ZNF16: variants seen among roughly 807,000 people sequenced by gnomAD.
The protein encoded by ZNF16 is zinc finger protein KOX9.
ZNF16 carries 7 observed loss-of-function variants against 9.0 expected under a neutral mutation model. The ratio of observed to expected loss-of-function variants is 0.78; its 90% CI spans 0.44 to 1.47. ZNF16 has a LOEUF of 1.47. Ranked by LOEUF, ZNF16 falls within the 40% of genes most tolerant of loss-of-function variation. The probability of loss-of-function intolerance (pLI) is 0.01; values close to 1 mark genes in which losing one functional copy is unlikely to be tolerated. For synonymous variants in ZNF16, 312 were observed against 301.5 expected (o/e 1.03, Z -0.36); for missense variants, 830 against 854.2 (o/e 0.97, Z 0.35).
At chr8:144,941,354 G>C (rs1345641759) in intron 2 of ZNF16, among the ~76,000 whole-genome samples, 1 of 151,882 alleles carries the variant, frequency 6.6e-6, no homozygotes, top group East Asian at 1.9e-4. Context: ...TATTGGTATA[G>C]TCACCCCAAC....
chr8:144,931,286 T>A lies in ZNF16; in HGVS notation c.1501A>T (p.Ser501Cys), dbSNP rs1451703881. The A allele has an allele frequency of 2.5e-6, 4 of 1,613,920 alleles. No homozygotes were observed. The African/African-American group carries it at 5.3e-5, about 22-fold the overall frequency. Residue 501 changes from serine (S) to cysteine (C), a missense_variant, in exon 3 of 3, where the codon AGC (serine) becomes TGC (cysteine). Physicochemically the swap from Ser to Cys is moderately radical, Grantham distance 112. Coordinates refer to ENST00000394909, the MANE Select transcript of ZNF16 (RefSeq NM_006958.3). ...CSVCGKAFSH[S>C]SALIQHQGVH... ...CCCTGGTGCTGAATGAGGGCTGAGC[T>A]GTGGCTGAAGGCCTTCCCACAGACA...
rs1833587409 is a variant in ZNF16 at position 144,932,679 on chromosome 8, G to A, written c.197-89C>T. The A allele has an allele frequency of 7.1e-7, 1 of 1,403,858 alleles. No individual in the cohort carries two copies. The highest frequency in any genetic ancestry group is 2.3e-5 in the East Asian group (1 of 43,566). 87.0% of individuals were successfully genotyped at this position (1,403,858 alleles called of 1,614,324 possible). A position where few individuals can be genotyped will look rare whatever the true frequency, so the allele number is the denominator to read the frequency against. On this transcript the variant is annotated intron_variant, in intron 2 of 2. Transcript: ENST00000394909. This position sits in a 1 kb window ranked among gnomAD's most constrained non-coding sequence, Gnocchi z 5.0. ...GTCACAGTTGCACCCACTAACTGTG[G>A]AGGAGGCAAGGGGAGCAGGGGATCC...
rs940328569 is a variant in ZNF16 at position 144,950,786 on chromosome 8, G to A, written c.-10+11C>T. Reference sequence around the variant, plus strand: ...CGCAGGGTCCCAGGCGTGGAGCTTCGCGGAACTAACCTCAACGGGTCGCGC... The same window carrying A: ...CGCAGGGTCCCAGGCGTGGAGCTTCACGGAACTAACCTCAACGGGTCGCGC... On this transcript the variant is annotated intron_variant, in intron 1 of 2. Coordinates refer to ENST00000394909, the MANE Select transcript of ZNF16 (RefSeq NM_006958.3). 1 of 152,234 alleles carries A rather than the reference G, an allele frequency of 6.6e-6. No homozygotes were observed. The highest frequency in any genetic ancestry group is 1.5e-5 in the Non-Finnish European group (1 of 68,082). The allele number at this position is 152,234 out of a possible 1,614,324, so 9.4% of individuals were successfully genotyped here. A position where few individuals can be genotyped will look rare whatever the true frequency, so the allele number is the denominator to read the frequency against.
At chr8:144,944,162 C>T (rs1237379021) in intron 2 of ZNF16, 1 of 151,934 alleles carries the variant, frequency 6.6e-6, no homozygotes, top group African/African-American at 2.4e-5. Flanking sequence ...GCTCCGCCTC[C>T]TGGGTTCATG....
intron 1 of ZNF16, among the ~76,000 whole-genome samples, chr8:144,950,124 C>T (rs4925850): frequency 0.53 from 79,750 of 151,794 alleles, 24,941 homozygotes; most frequent in East Asian, 0.73. Flanking sequence ...CAAATCTGGC[C>T]TACGTGCCCA....
At position 144,932,891 on chromosome 8, in the gene ZNF16, C is replaced by T. The variant is rs567920992; in HGVS notation, c.197-301G>A. Reference sequence around the variant, plus strand: ...TGGCTCAGGCCAAAATCCTGGCTGTCCCTTGACTCCCCTCTTCCTCGACAC... The same window carrying T: ...TGGCTCAGGCCAAAATCCTGGCTGTTCCTTGACTCCCCTCTTCCTCGACAC... On this transcript the variant is annotated intron_variant, in intron 2 of 2. Coordinates refer to ENST00000394909, the MANE Select transcript of ZNF16 (RefSeq NM_006958.3). This position sits in a 1 kb window ranked among gnomAD's most constrained non-coding sequence, Gnocchi z 5.0. 6.6e-6 allele frequency among the ~76,000 whole-genome samples: 1 copy of T among 152,280 alleles called. No homozygotes were observed. The highest frequency in any genetic ancestry group is 2.4e-5 in the African/African-American group (1 of 41,540).
intron 2 of ZNF16, among the ~76,000 whole-genome samples, chr8:144,936,265 C>A (rs911638890): frequency 6.6e-6 from 1 of 152,194 alleles, no homozygotes; most frequent in African/African-American, 2.4e-5. Context: ...CTTTTCATGG[C>A]TAAATTATAT....
intron 2 of ZNF16, among the ~76,000 whole-genome samples, chr8:144,941,679 T>C (rs545490041): frequency 6.6e-6 from 1 of 152,242 alleles, no homozygotes; most frequent in South Asian, 2.1e-4. Context: ...TTTTTTTTTT[T>C]TGAGACAGTC....
intron 1 of ZNF16, 174 bp downstream of exon 1, chr8:144,950,623 C>G (rs543591704): frequency 2.0e-5 from 3 of 149,324 alleles, no homozygotes; most frequent in Admixed American, 2.0e-4. Flanking sequence ...GAGCTGCCCC[C>G]GCCCCGCCCC....
chr8:144,932,471 G>T lies in ZNF16; in HGVS notation c.316C>A (p.Leu106Ile). The change falls in exon 3 of 3, where the codon CTT (leucine) becomes ATT (isoleucine). Residue 106 changes from leucine (L) to isoleucine (I), a missense_variant. By Grantham distance (5) the Leu-to-Ile change is conservative. Transcript: ENST00000394909. The surrounding 1 kb of genome is among the most constrained non-coding windows in gnomAD (Gnocchi z 5.0). ...YAGDVSQVPELGDLCDDVSER... is the reference protein window; with the variant it reads ...YAGDVSQVPEIGDLCDDVSER... ...GATACATCATCACACAGATCTCCAA[G>T]CTCGGGTACCTGGGAAACATCACCA... 6.2e-7 allele frequency: 1 copy of T among 1,614,184 alleles called. No homozygotes were observed. Among genetic ancestry groups the T allele is most frequent in the Non-Finnish European group, 8.5e-7 (1 of 1,180,040 alleles).
chr8:144,947,409 G>A (rs181903736), intron 1 of ZNF16, among the ~76,000 whole-genome samples: 2 of 152,004 alleles, frequency 1.3e-5, no homozygotes, highest in East Asian at 3.9e-4. Context: ...GTATCCTGCT[G>A]TGACCACTCT....
intron 2 of ZNF16, among the ~76,000 whole-genome samples, chr8:144,936,610 TTGATTTGCATTTCTCTAATGACTAA>T (rs1172000437): frequency 3.9e-5 from 6 of 152,242 alleles, no homozygotes; most frequent in African/African-American, 1.2e-4. Context: ...CATTATGGTT[TTGATTTGCATTTCTCTAATGACTAA>T]TGATGTTAAG....
rs543390467 is a variant in ZNF16 at position 144,933,313 on chromosome 8, T to C, written c.197-723A>G. Among the ~76,000 whole-genome samples the C allele has an allele frequency of 5.3e-5, 8 of 152,258 alleles. No individual in the cohort carries two copies. The South Asian group carries it at 1.5e-3, about 28-fold the overall frequency. On this transcript the variant is annotated intron_variant, in intron 2 of 2. Transcript: ENST00000394909. The surrounding 1 kb of genome is among the most constrained non-coding windows in gnomAD (Gnocchi z 5.6). ...ACAGAGGACCCTTTAGAGACTGCTG[T>C]GTCCTGTCAAAGCCACCTGTACCTC...
intron 2 of ZNF16, among the ~76,000 whole-genome samples, chr8:144,936,124 T>C (rs1475050236): frequency 2.6e-5 from 4 of 152,240 alleles, no homozygotes; most frequent in Non-Finnish European, 5.9e-5. Context: ...ATCTGTATTC[T>C]GTGTCTACGA....
At chr8:144,948,026 C>A in intron 1 of ZNF16, 1 of 152,746 alleles carries the variant, frequency 6.5e-6, no homozygotes. Context: ...TCAAGGGGAT[C>A]TGCAAAGGGG....
chr8:144,937,151 T>C (rs1033121908), intron 2 of ZNF16, among the ~76,000 whole-genome samples: 13 of 143,540 alleles, frequency 9.1e-5, no homozygotes, highest in African/African-American at 3.4e-4. Flanking sequence ...CTCTTTTTTT[T>C]TTTTTTTTTT....
intron 2 of ZNF16, among the ~76,000 whole-genome samples, chr8:144,936,294 C>T (rs188331756): frequency 8.9e-4 from 136 of 152,258 alleles, no homozygotes; most frequent in Middle Eastern, 3.4e-3. Context: ...ATGTAGACAC[C>T]ACAATTAATC....
At chr8:144,942,492 T>TG (rs935983896) in intron 2 of ZNF16, among the ~76,000 whole-genome samples, 3 of 151,734 alleles carry the variant, frequency 2.0e-5, no homozygotes, top group African/African-American at 7.3e-5. Flanking sequence ...TTCACCATGT[T>TG]GGCCAGGCTG....
chr8:144,934,989 C>T (rs777126237), intron 2 of ZNF16, among the ~76,000 whole-genome samples: 1 of 152,104 alleles, frequency 6.6e-6, no homozygotes, highest in Admixed American at 6.5e-5. Context: ...CCATGAGGAA[C>T]GGGTTGTCTA....
Sources: allele counts gnomAD v4.1 joint callset (sites outside exome capture counted in the v4.1 genomes callset), GRCh38; gene constraint gnomAD v4.1.1; non-coding constraint Gnocchi (gnomAD v3.1); transcripts MANE v1.5; gene names NCBI Gene and HGNC (gene_info 2026-07-23, HGNC 2026-07-21).